RALYL: variants seen among roughly 807,000 people sequenced by gnomAD.
RALYL encodes the protein RNA-binding Raly-like protein.
In RALYL, 29 loss-of-function variants were observed where a neutral mutation model predicts 35.1. The observed-to-expected ratio is 0.83, with a 90% CI of 0.61 to 1.13. The LOEUF (loss-of-function observed/expected upper bound fraction) is 1.13, where lower values mean the gene tolerates loss of function less well. Among genes scored for constraint, RALYL ranks in the 50% most tolerant of loss-of-function variants. RALYL has a pLI of 0.00. For missense variants in RALYL, 359 were observed against 360.4 expected (o/e 1.00, Z 0.03); for synonymous variants, 120 against 127.6 (o/e 0.94, Z 0.40).
intron 2 of RALYL, among the ~76,000 whole-genome samples, chr8:84,699,581 A>G (rs1839832419): frequency 6.6e-6 from 1 of 152,076 alleles, no homozygotes; most frequent in South Asian, 2.1e-4. Context: ...TAAAGGCACT[A>G]ATCACATTTG....
chr8:84,283,523 G>A (rs189612035), intron 1 of RALYL, among the ~76,000 whole-genome samples: 6 of 152,186 alleles, frequency 3.9e-5, no homozygotes, highest in South Asian at 2.1e-4. Flanking sequence ...TCTGGGGACC[G>A]TCATGTAATT....
At chr8:84,767,614 C>T (rs544595310) in intron 2 of RALYL, among the ~76,000 whole-genome samples, 103 of 152,252 alleles carry the variant, frequency 6.8e-4, no homozygotes, top group Middle Eastern at 3.4e-3. Flanking sequence ...GCGTGCCAGG[C>T]ATCAATTAGC....
chr8:84,810,481 C>A (rs1825668665), intron 4 of RALYL, among the ~76,000 whole-genome samples: 1 of 152,088 alleles, frequency 6.6e-6, no homozygotes, highest in South Asian at 2.1e-4. Flanking sequence ...ATGAAATGTT[C>A]TGTATATATC....
intron 1 of RALYL, among the ~76,000 whole-genome samples, chr8:84,446,575 G>T (rs965098956): frequency 6.6e-6 from 1 of 152,038 alleles, no homozygotes; most frequent in African/African-American, 2.4e-5. Context: ...TGTTTAATAA[G>T]ATAATTGCAT....
In RALYL at chr8:84,920,879, TTTTTA is replaced by T. The variant is rs769571534; in HGVS notation, c.859-10_859-6del. On this transcript the variant is annotated splice_polypyrimidine_tract_variant and intron_variant, in intron 8 of 8. Transcript: ENST00000521268. Reference sequence around the variant, plus strand: ...ACAAATCTCTGTATTTTAAAATTTTTTTTTATTTTCTCAGTTTCTACAGATAAAGT... The same window carrying T: ...ACAAATCTCTGTATTTTAAAATTTTTTTTTCTCAGTTTCTACAGATAAAGT... The T allele has an allele frequency of 1.5e-6, 2 of 1,324,308 alleles. No individual in the cohort carries two copies. Among genetic ancestry groups the T allele is most frequent in the African/African-American group, 3.0e-5 (2 of 65,632 alleles). The allele number at this position is 1,324,308 out of a possible 1,614,324, so 82.0% of individuals were successfully genotyped here.
rs543592258 is a variant in RALYL, at chr8:84,754,786, C to A, written c.257-19793C>A. On this transcript the variant is annotated intron_variant, in intron 2 of 8. Transcript: ENST00000521268. ...ATGATTACTGATAGATGCCACCATG[C>A]GGTAGGTCTTGTGGGGAGGTAGATG... Among the ~76,000 whole-genome samples the A allele has an allele frequency of 3.3e-5, 5 of 152,162 alleles. No homozygotes were observed. In the South Asian group the frequency reaches 1.0e-3, roughly 32 times the overall value.
intron 1 of RALYL, among the ~76,000 whole-genome samples, chr8:84,469,401 C>T (rs866181831): frequency 3.9e-4 from 60 of 152,080 alleles, no homozygotes; most frequent in Non-Finnish European, 6.2e-4. Context: ...AGTACCCTGC[C>T]GTGTGAGGTG....
At chr8:84,762,751 A>G (rs915233499) in intron 2 of RALYL, among the ~76,000 whole-genome samples, 1 of 152,162 alleles carries the variant, frequency 6.6e-6, no homozygotes, top group Non-Finnish European at 1.5e-5. Flanking sequence ...CCACAAGATC[A>G]TTGTCAGATT....
chr8:84,711,827 A>G (rs77129782), intron 2 of RALYL, among the ~76,000 whole-genome samples: 3,401 of 152,288 alleles, frequency 0.022, 124 homozygotes, highest in African/African-American at 0.076. Flanking sequence ...TTAAATAGCA[A>G]TATAAAAATG....
chr8:84,337,488 A>C (rs1432886103), intron 1 of RALYL, among the ~76,000 whole-genome samples: 1 of 152,086 alleles, frequency 6.6e-6, no homozygotes, highest in African/African-American at 2.4e-5. Context: ...GTGGTGGATA[A>C]TGGATTTGTG....
chr8:84,184,844 C>T (rs1489658487), intron 1 of RALYL: 22 of 870,844 alleles, frequency 2.5e-5, no homozygotes, highest in Non-Finnish European at 3.7e-5. Flanking sequence ...AGAGGGGACC[C>T]TCAGAGCACC....
At chr8:84,531,190 C>A (rs1159430308) in intron 2 of RALYL, among the ~76,000 whole-genome samples, 1 of 151,922 alleles carries the variant, frequency 6.6e-6, no homozygotes, top group East Asian at 1.9e-4. Flanking sequence ...ACAAAAGAAG[C>A]AAGTTAAAAG....
chr8:84,767,832 T>A (rs527888883), intron 2 of RALYL, among the ~76,000 whole-genome samples: 3 of 152,310 alleles, frequency 2.0e-5, no homozygotes, highest in East Asian at 1.9e-4. Context: ...AATAGCCAGA[T>A]AACAACGTGG....
chr8:84,205,084 T>C (rs567420030), intron 1 of RALYL, among the ~76,000 whole-genome samples: 106 of 152,358 alleles, frequency 7.0e-4, no homozygotes, highest in African/African-American at 2.5e-3. Flanking sequence ...TCATTTTATA[T>C]GCTAGGTTAA....
chr8:84,810,891 A>T (rs113768340), intron 4 of RALYL, among the ~76,000 whole-genome samples: 22 of 152,246 alleles, frequency 1.4e-4, no homozygotes, highest in African/African-American at 5.3e-4. Context: ...CTTACGTATT[A>T]GGTGAGTCTC....
chr8:84,273,426 C>G (rs371154144), intron 1 of RALYL, among the ~76,000 whole-genome samples: 15 of 152,342 alleles, frequency 9.8e-5, no homozygotes, highest in African/African-American at 3.4e-4. Flanking sequence ...AGTGAAGGCA[C>G]TTAGATGGAA....
intron 1 of RALYL, among the ~76,000 whole-genome samples, chr8:84,219,563 T>G (rs1821669948): frequency 1.3e-5 from 2 of 151,144 alleles, no homozygotes; most frequent in East Asian, 1.9e-4. Flanking sequence ...ACACTTCGTA[T>G]TAAGTGTAAC....
At chr8:84,540,430 G>A (rs1199243530) in intron 2 of RALYL, among the ~76,000 whole-genome samples, 2 of 151,838 alleles carry the variant, frequency 1.3e-5, no homozygotes, top group African/African-American at 4.8e-5. Context: ...ATTTTATCAA[G>A]TATATTTCAT....
In RALYL at chr8:84,918,215, T is replaced by C. The variant is rs148157441; in HGVS notation, c.859-2679T>C. Among the ~76,000 whole-genome samples, 570 of 152,172 alleles carry C rather than the reference T, an allele frequency of 3.7e-3. 3 individuals carry two copies. Among genetic ancestry groups the C allele is most frequent in the Middle Eastern group, 0.024 (7 of 294 alleles). On this transcript the variant is annotated intron_variant, in intron 8 of 8. Coordinates refer to ENST00000521268, the MANE Select transcript of RALYL (RefSeq NM_173848.7). Reference sequence around the variant, plus strand: ...AGCATTCCTGCTACTGAAGAAGTCATAAGACTTATTTAAAAGTATGATTTT... The same window carrying C: ...AGCATTCCTGCTACTGAAGAAGTCACAAGACTTATTTAAAAGTATGATTTT...
Sources: gnomAD v4.1 joint callset for allele counts (sites outside exome capture counted in the v4.1 genomes callset) on GRCh38, gnomAD v4.1.1 for gene constraint, MANE v1.5 for transcripts, NCBI Gene and HGNC (gene_info 2026-07-23, HGNC 2026-07-21) for gene names.